The following FAT3 variants were observed in gnomAD, a reference collection of about 807,000 sequenced individuals.
The protein encoded by FAT3 is protocadherin Fat 3.
In FAT3, 95 loss-of-function variants were observed where a neutral mutation model predicts 310.2. That is an observed-to-expected ratio of 0.31 (90% CI 0.26 to 0.36). FAT3 has a LOEUF of 0.36. Ranked by LOEUF, FAT3 falls within the 10% of genes least tolerant of loss-of-function variation. The pLI is 1.00. For missense variants in FAT3, 5,408 were observed against 5,715.6 expected, an observed-to-expected ratio of 0.95 and a Z score of 1.74; for synonymous variants, 2,314 against 2,192.9, an observed-to-expected ratio of 1.06 and a Z score of -1.54.
In FAT3 at chr11:92,891,341, T is replaced by G. The variant is rs1949915242; in HGVS notation, c.*228T>G. The G allele has an allele frequency of 3.4e-6, 2 of 593,302 alleles. No homozygotes were observed. The highest frequency in any genetic ancestry group is 3.7e-5 in the African/African-American group (2 of 53,598). 36.8% of individuals were successfully genotyped at this position (593,302 alleles called of 1,614,324 possible). ...TTGAGAGGTGACTGGTAATCCTTGA[T>G]GTAGGTACCTATGTTCACAGCTAAA... On this transcript the variant is annotated 3_prime_UTR_variant, in exon 28 of 28. Transcript: ENST00000525166.
At position 92,776,760 on chromosome 11, in the gene FAT3, C is replaced by G. The variant is rs1359747366; in HGVS notation, c.4335+2580C>G. Among the ~76,000 whole-genome samples the G allele has an allele frequency of 2.0e-5, 3 of 152,240 alleles. 1 individual carries two copies. The highest frequency in any genetic ancestry group is 6.8e-3 in the Middle Eastern group (2 of 294). On this transcript the variant is annotated intron_variant, in intron 7 of 27. Coordinates refer to ENST00000525166, the MANE Select transcript of FAT3 (RefSeq NM_001367949.2). Reference sequence around the variant, plus strand: ...AAGAGATTTTCTTGTCTAAAGTATTCAAGTCACTCTGTGTCTCCAGAGTCA... The same window carrying G: ...AAGAGATTTTCTTGTCTAAAGTATTGAAGTCACTCTGTGTCTCCAGAGTCA...
intron 3 of FAT3, chr11:92,559,284 A>ATACCC (rs1955135156): frequency 5.8e-6 from 1 of 170,960 alleles, no homozygotes; most frequent in Admixed American, 6.3e-5. Flanking sequence ...AAAGAACCTT[A>ATACCC]TACCCTTTAG....
chr11:92,247,961 C>T (rs1432428574), intron 1 of FAT3, among the ~76,000 whole-genome samples: 1 of 151,914 alleles, frequency 6.6e-6, no homozygotes, highest in East Asian at 1.9e-4. Context: ...GTCTGGGTAA[C>T]ACAGCAAGAC....
chr11:92,462,441 C>T (rs145176990), intron 2 of FAT3, among the ~76,000 whole-genome samples: 31 of 152,148 alleles, frequency 2.0e-4, no homozygotes, highest in Admixed American at 1.5e-3. Flanking sequence ...TCTGTTCCTG[C>T]GTTAATTTGC....
At chr11:92,274,397 G>A (rs1946208041) in intron 1 of FAT3, among the ~76,000 whole-genome samples, 1 of 151,916 alleles carries the variant, frequency 6.6e-6, no homozygotes, top group African/African-American at 2.4e-5. Flanking sequence ...ATGACAAAAG[G>A]GTGTTTTCTA....
chr11:92,257,898 G>T (rs528314261), intron 1 of FAT3, among the ~76,000 whole-genome samples: 1 of 152,026 alleles, frequency 6.6e-6, no homozygotes, highest in Admixed American at 6.6e-5. Flanking sequence ...AGAGTTTCCT[G>T]GTCAAAAGCG....
At chr11:92,272,411 G>A (rs948878454) in intron 1 of FAT3, among the ~76,000 whole-genome samples, 1 of 152,084 alleles carries the variant, frequency 6.6e-6, no homozygotes, top group African/African-American at 2.4e-5. Flanking sequence ...ATGACATATT[G>A]TGAATTACTA....
Position 92,832,030 on chromosome 11 carries a change from A to T in FAT3, c.9871+19A>T. 1.3e-6 allele frequency: 2 copies of T among 1,516,852 alleles called. No individual in the cohort carries two copies. The highest frequency in any genetic ancestry group is 1.8e-6 in the Non-Finnish European group (2 of 1,132,532). 94.0% of individuals were successfully genotyped at this position (1,516,852 alleles called of 1,614,324 possible). A position where few individuals can be genotyped will look rare whatever the true frequency, so the allele number is the denominator to read the frequency against. ...AAGACAGGTGGGTAAATAGCACTGTACTTAGAATACAGAGCTTCAGCTTGG... is the reference window on the plus strand; with the variant it reads ...AAGACAGGTGGGTAAATAGCACTGTTCTTAGAATACAGAGCTTCAGCTTGG... On this transcript the variant is annotated intron_variant, in intron 14 of 27. Transcript: ENST00000525166.
chr11:92,627,976 A>T (rs1591538072), intron 3 of FAT3, among the ~76,000 whole-genome samples: 1 of 152,172 alleles, frequency 6.6e-6, no homozygotes, highest in Non-Finnish European at 1.5e-5. Context: ...AGAGCTTGAC[A>T]CCTACTGTGC....
chr11:92,512,881 GGGAGGCCGAGGCGGGCGGA>G (rs1276541750), intron 2 of FAT3, among the ~76,000 whole-genome samples: 162 of 96,898 alleles, frequency 1.7e-3, no homozygotes, highest in African/African-American at 6.9e-3. Flanking sequence ...CCAGCACTTT[GGGAGGCCGAGGCGGGCGGA>G]TCACGAGGTC....
intron 2 of FAT3, among the ~76,000 whole-genome samples, chr11:92,489,651 T>A (rs1196256380): frequency 1.3e-5 from 2 of 152,116 alleles, no homozygotes; most frequent in African/African-American, 4.8e-5. Flanking sequence ...TTAATATCTT[T>A]CCAAATTTAT....
chr11:92,629,141 A>G (rs1286066716), intron 3 of FAT3, among the ~76,000 whole-genome samples: 1 of 152,234 alleles, frequency 6.6e-6, no homozygotes, highest in African/African-American at 2.4e-5. Context: ...AGCAGGGCCA[A>G]CTAACTCATA....
chr11:92,544,955 T>G (rs1954569829), intron 3 of FAT3, among the ~76,000 whole-genome samples: 1 of 152,176 alleles, frequency 6.6e-6, no homozygotes, highest in South Asian at 2.1e-4. Context: ...TGCTCACTGT[T>G]TTACAGATGC....
At chr11:92,392,983 G>A (rs888832621) in intron 2 of FAT3, among the ~76,000 whole-genome samples, 1 of 152,112 alleles carries the variant, frequency 6.6e-6, no homozygotes, top group African/African-American at 2.4e-5. Context: ...AGGAACTAGG[G>A]GCAGTGGGAC....
intron 2 of FAT3, among the ~76,000 whole-genome samples, chr11:92,390,429 TC>T: frequency 6.6e-6 from 1 of 152,246 alleles, no homozygotes; most frequent in African/African-American, 2.4e-5. Context: ...AAACCTATTC[TC>T]CTTCACTTTT....
intron 3 of FAT3, among the ~76,000 whole-genome samples, chr11:92,635,894 A>G (rs1941749046): frequency 6.6e-6 from 1 of 152,194 alleles, no homozygotes; most frequent in Non-Finnish European, 1.5e-5. Context: ...TTGGGTGTTC[A>G]GTAACAAAGT....
intron 2 of FAT3, among the ~76,000 whole-genome samples, chr11:92,374,973 T>C (rs1016699564): frequency 6.6e-6 from 1 of 152,138 alleles, no homozygotes; most frequent in Non-Finnish European, 1.5e-5. Flanking sequence ...AGGAATTCCA[T>C]TCTAGTTGGG....
In FAT3 at chr11:92,412,729, ATATATATATAT is replaced by A. The variant is rs1565296289; in HGVS notation, c.3292+57326_3292+57336del. On this transcript the variant is annotated intron_variant, in intron 2 of 27. Transcript: ENST00000525166. ...TATATATATATATATATATATATATATATATATATATATATAAATATACATACATATATATA... is the reference window on the plus strand; with the variant it reads ...TATATATATATATATATATATATATAATATAAATATACATACATATATATA... Among the ~76,000 whole-genome samples, 13 of 47,076 alleles carry A rather than the reference ATATATATATAT, an allele frequency of 2.8e-4. 1 individual carries two copies. The highest frequency in any genetic ancestry group is 1.6e-3 in the East Asian group (3 of 1,836). The allele number at this position is 47,076 out of a possible 152,430, so 30.9% of individuals were successfully genotyped here. A position where few individuals can be genotyped will look rare whatever the true frequency, so the allele number is the denominator to read the frequency against.
intron 3 of FAT3, among the ~76,000 whole-genome samples, chr11:92,643,494 C>T (rs1942038040): frequency 6.6e-6 from 1 of 152,164 alleles, no homozygotes; most frequent in Non-Finnish European, 1.5e-5. Context: ...TGGGCAAGTC[C>T]CTTAATGTCT....
Sources: allele counts gnomAD v4.1 joint callset (sites outside exome capture counted in the v4.1 genomes callset), GRCh38; gene constraint gnomAD v4.1.1; transcripts MANE v1.5; gene names NCBI Gene and HGNC (gene_info 2026-07-23, HGNC 2026-07-21).